The following HEATR5B variants were observed in gnomAD, a reference collection of about 807,000 sequenced individuals.
HEATR5B encodes the protein HEAT repeat-containing protein 5B.
Under a neutral mutation model 224.1 loss-of-function variants are expected in HEATR5B, and 156 were observed. That is an observed-to-expected ratio of 0.70 (90% CI 0.61 to 0.80). HEATR5B has a LOEUF of 0.80. HEATR5B is among the 30% of genes least tolerant of loss of function. The pLI is 0.00. For synonymous variants in HEATR5B, 1,027 were observed against 893.0 expected (o/e 1.15, Z -2.68); for missense variants, 2,323 against 2,535.5 (o/e 0.92, Z 1.80).
intron 26 of HEATR5B, among the ~76,000 whole-genome samples, chr2:37,014,924 C>G (rs1241369447): frequency 2.0e-5 from 3 of 151,780 alleles, no homozygotes; most frequent in Non-Finnish European, 2.9e-5. Context: ...TTGCAGTGAG[C>G]CGAGATCGCA....
At chr2:37,084,055 C>T (rs951003480) in intron 1 of HEATR5B, among the ~76,000 whole-genome samples, 2 of 152,218 alleles carry the variant, frequency 1.3e-5, no homozygotes, top group African/African-American at 4.8e-5. Flanking sequence ...CCAAGAACCG[C>T]AAGCGGCGGA....
At chr2:37,059,878 T>C (rs1191759723) in intron 12 of HEATR5B, among the ~76,000 whole-genome samples, 1 of 152,146 alleles carries the variant, frequency 6.6e-6, no homozygotes. Flanking sequence ...CAATAGAGCC[T>C]AGACTAAAAC....
chr2:37,084,234 C>T (rs1207779437), intron 1 of HEATR5B, 35 bp downstream of exon 1: 2 of 376,314 alleles, frequency 5.3e-6, no homozygotes, highest in Admixed American at 9.1e-5. Context: ...GACAGGAGTC[C>T]GTGCGTGTCA....
rs546673365 is a variant in HEATR5B, at chr2:36,988,761, A to G, written c.5796T>C (p.Val1932=). The change falls in exon 35 of 36, where the codon GTT becomes GTC. Residue 1932 remains valine, a synonymous_variant. Coordinates refer to ENST00000233099, the MANE Select transcript of HEATR5B (RefSeq NM_019024.3). ...TTCTTTCAACAGCTTTTAGCTTTTC[A>G]ACCACTATTGGAGCTAATGAATGAA... ...PYIHSLAPIV[V]EKLKAVERNR... 2.5e-6 allele frequency: 4 copies of G among 1,614,130 alleles called. No individual in the cohort carries two copies. The highest frequency in any genetic ancestry group is 2.7e-5 in the African/African-American group (2 of 75,048).
At chr2:36,999,061 A>G (rs1428684012) in intron 33 of HEATR5B, among the ~76,000 whole-genome samples, 1 of 151,070 alleles carries the variant, frequency 6.6e-6, no homozygotes. Context: ...AAAAATACAA[A>G]AATTAGCTGG....
intron 17 of HEATR5B, among the ~76,000 whole-genome samples, chr2:37,051,058 T>C (rs780713637): frequency 1.4e-4 from 19 of 132,850 alleles, no homozygotes; most frequent in Middle Eastern, 5.2e-3. Flanking sequence ...AAAAAATAAA[T>C]AAACTAACAA....
chr2:37,046,707 C>T (rs2148513846), intron 18 of HEATR5B, among the ~76,000 whole-genome samples: 1 of 151,526 alleles, frequency 6.6e-6, no homozygotes, highest in Middle Eastern at 3.4e-3. Context: ...GCCAGTTTGC[C>T]TACTGCAAAC....
In HEATR5B at chr2:37,008,670, A is replaced by T; in HGVS notation, c.4463T>A (p.Leu1488Ter). Residue 1488 changes from leucine to a stop codon, truncating the protein, a stop_gained, in exon 28 of 36, where the codon TTA becomes TAA. Transcript: ENST00000233099. LOFTEE classifies it high-confidence loss of function. ...PTLSRLWLAA[L>*]KDYALLTLPA... ...TAAAGTCAAGAGTGCATAATCTTTT[A>T]ATGCTGCTAACCACAGGCGACTGAG... is the stretch of plus-strand genomic sequence containing the variant. The T allele has an allele frequency of 6.2e-7, 1 of 1,614,158 alleles. No homozygotes were observed. Among genetic ancestry groups the T allele is most frequent in the Non-Finnish European group, 8.5e-7 (1 of 1,180,012 alleles).
intron 26 of HEATR5B, among the ~76,000 whole-genome samples, chr2:37,017,290 CAGG>C (rs1253389724): frequency 6.6e-6 from 1 of 151,836 alleles, no homozygotes; most frequent in Non-Finnish European, 1.5e-5. Context: ...AAGGCTGAGG[CAGG>C]AGAATTGCTT....
At chr2:36,997,852 C>T (rs1172264526) in intron 33 of HEATR5B, among the ~76,000 whole-genome samples, 2 of 152,120 alleles carry the variant, frequency 1.3e-5, no homozygotes. Flanking sequence ...AGGCGTGAGC[C>T]ACCACGCCGA....
intron 26 of HEATR5B, among the ~76,000 whole-genome samples, chr2:37,015,379 T>G (rs143930725): frequency 1.3e-5 from 2 of 152,142 alleles, no homozygotes; most frequent in Admixed American, 1.3e-4. Context: ...AAAATGTATA[T>G]AGACAGTAAG....
rs2148302987 is a variant in HEATR5B, at chr2:36,981,587, C to T, written c.6119G>A (p.Arg2040Gln). 1 of 1,614,178 alleles carries T rather than the reference C, an allele frequency of 6.2e-7. No individual in the cohort carries two copies. The highest frequency in any genetic ancestry group is 8.5e-7 in the Non-Finnish European group (1 of 1,180,034). Reference protein sequence around the residue: ...ELKVRLETAVRASQASKAKAA... With the variant: ...ELKVRLETAVQASQASKAKAA... ...TTTAGCTTTGCTCGCTTGGCTTGCT[C>T]GAACGGCAGTTTCTAGACGCACTTT... The change falls in exon 36 of 36, where the codon CGA (arginine) becomes CAA (glutamine). Residue 2040 changes from arginine (R) to glutamine (Q), a missense_variant. By Grantham distance (43) the Arg-to-Gln change is conservative (BLOSUM62 1). Coordinates refer to ENST00000233099, the MANE Select transcript of HEATR5B (RefSeq NM_019024.3).
intron 33 of HEATR5B, among the ~76,000 whole-genome samples, chr2:36,997,713 C>T (rs1399388973): frequency 1.3e-5 from 2 of 151,752 alleles, no homozygotes; most frequent in Non-Finnish European, 2.9e-5. Flanking sequence ...ACTACAGGCG[C>T]CCGCCACCAC....
rs1672753265 is a variant in HEATR5B, at chr2:37,083,504, T to C, written c.-22-68A>G. 1.4e-5 allele frequency: 16 copies of C among 1,157,146 alleles called. No homozygotes were observed. In the South Asian group the frequency reaches 1.6e-4, roughly 12 times the overall value. 71.7% of individuals were successfully genotyped at this position (1,157,146 alleles called of 1,614,324 possible). A position where few individuals can be genotyped will look rare whatever the true frequency, so the allele number is the denominator to read the frequency against. On this transcript the variant is annotated intron_variant, in intron 1 of 35. Transcript: ENST00000233099. The stretch of plus-strand genomic sequence containing the variant: ...ATGTTAAAAGTCAAGCTTAATGGAA[T>C]ATACTCACTAAGAAAAGTAGGACTA...
chr2:37,056,405 T>C (rs1387250258), intron 16 of HEATR5B, 35 bp downstream of exon 16: 4 of 1,484,664 alleles, frequency 2.7e-6, no homozygotes, highest in Admixed American at 2.3e-5. Context: ...ATAATATATA[T>C]TTAACAAAAA....
chr2:37,040,931 G>C (rs940034148), intron 19 of HEATR5B: 1 of 520,026 alleles, frequency 1.9e-6, no homozygotes, highest in African/African-American at 1.9e-5. Context: ...TTGAAGGAAT[G>C]TATGTGAATG....
intron 11 of HEATR5B, among the ~76,000 whole-genome samples, chr2:37,061,365 T>G (rs921372532): frequency 6.6e-6 from 1 of 152,226 alleles, no homozygotes; most frequent in Non-Finnish European, 1.5e-5. Context: ...TTCCAACAGA[T>G]AGATGCTTAG....
chr2:36,996,749 C>A (rs183648448), intron 33 of HEATR5B, among the ~76,000 whole-genome samples: 2 of 152,148 alleles, frequency 1.3e-5, no homozygotes, highest in African/African-American at 4.8e-5. Flanking sequence ...TGTGCCACCA[C>A]GCCCAGCTAA....
chr2:37,037,802 T>C, intron 21 of HEATR5B, 53 bp downstream of exon 21: 1 of 1,336,758 alleles, frequency 7.5e-7, no homozygotes, highest in Non-Finnish European at 9.7e-7. Flanking sequence ...ATTTTTTAAA[T>C]GTAAAATAAA....
Sources: allele counts gnomAD v4.1 joint callset (sites outside exome capture counted in the v4.1 genomes callset), GRCh38; gene constraint gnomAD v4.1.1; transcripts MANE v1.5; gene names NCBI Gene and HGNC (gene_info 2026-07-23, HGNC 2026-07-21).